Variants in CCDC180 observed in about 807,000 individuals in gnomAD.
The protein encoded by CCDC180 is coiled-coil domain containing 180.
CCDC180 carries 154 observed loss-of-function variants against 209.2 expected under a neutral mutation model. The observed-to-expected ratio is 0.74, with a 90% CI of 0.65 to 0.84. CCDC180 has a LOEUF of 0.84. Ranked by LOEUF, CCDC180 falls within the 40% of genes least tolerant of loss-of-function variation. The pLI is 0.00. For missense variants in CCDC180, 1,874 were observed against 1,997.3 expected, an observed-to-expected ratio of 0.94 and a Z score of 1.18; for synonymous variants, 778 against 749.1, an observed-to-expected ratio of 1.04 and a Z score of -0.63.
rs369623667 is a variant in CCDC180 at position 97,362,297 on chromosome 9, G to A, written c.3758G>A (p.Gly1253Glu). Residue 1253 changes from glycine (G) to glutamate (E), a missense_variant, in exon 28 of 37, where the codon GGG becomes GAG. Transcript: ENST00000529487. ...ACGSRGSSEA[G>E]AGGAVCSPPV... is the part of the protein sequence containing the mutation. ...GGGTCTCGGGGCAGCAGTGAGGCAG[G>A]GGCTGGTGGTGCTGTGTGCTCACCT... is the stretch of plus-strand genomic sequence containing the variant. 6.2e-7 allele frequency: 1 copy of A among 1,614,140 alleles called. No individual in the cohort carries two copies. Among genetic ancestry groups the A allele is most frequent in the Non-Finnish European group, 8.5e-7 (1 of 1,180,004 alleles).
Position 97,359,484 on chromosome 9 carries a change from C to T in CCDC180, c.3364-498C>T, listed in dbSNP as rs561554482. On this transcript the variant is annotated intron_variant, in intron 25 of 36. Transcript: ENST00000529487. ...GTGTGGCGAGAGGGAAGATCCTCAC[C>T]GTTGCATTCCTGCACACCTGTGGGG... is the stretch of plus-strand genomic sequence containing the variant. Among the ~76,000 whole-genome samples the T allele has an allele frequency of 5.3e-5, 8 of 152,140 alleles. No individual in the cohort carries two copies. The South Asian group carries it at 6.2e-4, about 12-fold the overall frequency.
At chr9:97,319,720 T>G (rs572567458) in intron 10 of CCDC180, among the ~76,000 whole-genome samples, 9 of 152,318 alleles carry the variant, frequency 5.9e-5, no homozygotes, top group African/African-American at 1.9e-4. Flanking sequence ...GTACTTAGTT[T>G]TCTACTGTTG....
At chr9:97,312,062 CA>C in intron 3 of CCDC180, 50 bp from the exon 4 acceptor site, 1 of 1,533,508 alleles carries the variant, frequency 6.5e-7, no homozygotes, top group Non-Finnish European at 9.0e-7. Context: ...CCAGAGCTGC[CA>C]TGGATGGCAT....
At chr9:97,360,209 C>T in intron 26 of CCDC180, 108 bp downstream of exon 26, 1 of 1,302,966 alleles carries the variant, frequency 7.7e-7, no homozygotes, top group Non-Finnish European at 1.1e-6. Context: ...ACTCCCAGGC[C>T]TCCGCGGGAC....
At position 97,313,363 on chromosome 9, in the gene CCDC180, C is replaced by G; in HGVS notation, c.459+18C>G. On this transcript the variant is annotated intron_variant, in intron 5 of 36. Coordinates refer to ENST00000529487, the MANE Select transcript of CCDC180 (RefSeq NM_020893.6). The stretch of plus-strand genomic sequence containing the variant: ...TGGGAAAGGTGAGAATCCTCCCTCT[C>G]CCTTCTCTTCCCTTCCTGTGCCATT... 2 of 1,530,060 alleles carry G rather than the reference C, an allele frequency of 1.3e-6. No individual in the cohort carries two copies. The highest frequency in any genetic ancestry group is 1.8e-6 in the Non-Finnish European group (2 of 1,105,780). The allele number at this position is 1,530,060 out of a possible 1,614,324, so 94.8% of individuals were successfully genotyped here.
chr9:97,308,099 T>A lies in CCDC180; in HGVS notation c.36T>A (p.Asn12Lys), dbSNP rs1253436116. ...SSVGKVTQVPNGKAYQQIFQA... is the reference protein window; with the variant it reads ...SSVGKVTQVPKGKAYQQIFQA... ...TGGGGAAGGTGACCCAGGTTCCGAA[T>A]GGGAAAGCCTACCAGCAGATCTTCC... The change falls in exon 2 of 37, where the codon AAT becomes AAA. Residue 12 changes from asparagine to lysine, a missense_variant. Coordinates refer to ENST00000529487, the MANE Select transcript of CCDC180 (RefSeq NM_020893.6). The A allele has an allele frequency of 1.2e-6, 2 of 1,612,036 alleles. No homozygotes were observed. The highest frequency in any genetic ancestry group is 1.1e-5 in the South Asian group (1 of 90,766).
intron 14 of CCDC180, among the ~76,000 whole-genome samples, chr9:97,325,801 G>T (rs1301657620): frequency 6.6e-6 from 1 of 152,178 alleles, no homozygotes; most frequent in Non-Finnish European, 1.5e-5. Flanking sequence ...ATCACAGCCT[G>T]AGCTCTCTCT....
At chr9:97,349,834 G>A (rs1431853748) in intron 21 of CCDC180, among the ~76,000 whole-genome samples, 1 of 152,170 alleles carries the variant, frequency 6.6e-6, no homozygotes, top group Admixed American at 6.5e-5. Flanking sequence ...ATGAGGGACA[G>A]CTGTTTCTGG....
At chr9:97,372,201 G>A (rs1827120643) in intron 34 of CCDC180, 1 of 152,290 alleles carries the variant, frequency 6.6e-6, no homozygotes, top group African/African-American at 2.4e-5. Context: ...CATATGGCTA[G>A]TCACTGTAAA....
Position 97,307,699 on chromosome 9 carries a change from A to G in CCDC180, c.-189A>G, listed in dbSNP as rs1832839662. ...TTCCCCGAAGAGCATGGCAGAGTGAAGCACAAGCAATAATCCTGTATTATT... is the reference window on the plus strand; with the variant it reads ...TTCCCCGAAGAGCATGGCAGAGTGAGGCACAAGCAATAATCCTGTATTATT... On this transcript the variant is annotated 5_prime_UTR_variant, in exon 1 of 37. Transcript: ENST00000529487. 6.3e-7 allele frequency: 1 copy of G among 1,597,812 alleles called. No homozygotes were observed. The highest frequency in any genetic ancestry group is 1.7e-5 in the Admixed American group (1 of 59,684).
rs766321866 is a variant in CCDC180, at chr9:97,330,551, A to T, written c.2058A>T (p.Lys686Asn). ...SPLHAKMDES[K>N]EGSIQGLEEM... ...TGCATGCTAAGATGGATGAGTCCAA[A>T]GAAGGCTCTATTCAGGGACTGGAAG... The change falls in exon 18 of 37, where the codon AAA becomes AAT. Residue 686 changes from lysine (K) to asparagine (N), a missense_variant. Transcript: ENST00000529487. 7 of 1,614,198 alleles carry T rather than the reference A, an allele frequency of 4.3e-6. No individual in the cohort carries two copies. The highest frequency in any genetic ancestry group is 4.2e-6 in the Non-Finnish European group (5 of 1,180,032).
rs1342213668 is a variant in CCDC180, at chr9:97,360,039, C to CA, written c.3422dup (p.Arg1142GlufsTer6). ...CCAAACTTGGAAGGAAAAACTGAGC[C>CA]AGAGGATTCAGTACCTTAACTGCAG... On this transcript the variant is annotated frameshift_variant, in exon 26 of 37. Transcript: ENST00000529487. LOFTEE classifies it high-confidence loss of function. 6.2e-7 allele frequency: 1 copy of CA among 1,613,878 alleles called. No individual in the cohort carries two copies. Among genetic ancestry groups the CA allele is most frequent in the Non-Finnish European group, 8.5e-7 (1 of 1,179,946 alleles).
chr9:97,345,689 T>C (rs2118793421), intron 19 of CCDC180: 2 of 363,086 alleles, frequency 5.5e-6, no homozygotes, highest in South Asian at 4.2e-5. Context: ...AGGCGGAGGT[T>C]ACAGTGAACC....
chr9:97,316,260 A>C (rs1375277153), intron 8 of CCDC180, among the ~76,000 whole-genome samples: 1 of 152,214 alleles, frequency 6.6e-6, no homozygotes, highest in Admixed American at 6.5e-5. Context: ...TCCCTATGCT[A>C]TAAATAGCAT....
At chr9:97,359,659 GTGTCCCCATCTTACAGATGGGGAGAACA>G (rs1826693000) in intron 25 of CCDC180, among the ~76,000 whole-genome samples, 1 of 152,086 alleles carries the variant, frequency 6.6e-6, no homozygotes, top group African/African-American at 2.4e-5. Context: ...GGAATATTTT[GTGTCCCCATCTTACAGATGGGGAGAACA>G]AGTTGAGCAA....
Position 97,370,788 on chromosome 9 carries a change from A to C in CCDC180, c.4488+10A>C, listed in dbSNP as rs1372476403. On this transcript the variant is annotated intron_variant, in intron 33 of 36. Transcript: ENST00000529487. ...CAAGGAGAAGCTGGAGGTCAGTGAT[A>C]CCATTGATTCGCCAGTCCAGGCATG... The C allele has an allele frequency of 6.2e-7, 1 of 1,613,264 alleles. No homozygotes were observed. Among genetic ancestry groups the C allele is most frequent in the Non-Finnish European group, 8.5e-7 (1 of 1,179,678 alleles).
intron 24 of CCDC180, among the ~76,000 whole-genome samples, chr9:97,356,948 C>G (rs544423207): frequency 2.0e-5 from 3 of 152,310 alleles, no homozygotes; most frequent in Non-Finnish European, 4.4e-5. Context: ...GCTATTTATA[C>G]CAGTTTTATA....
intron 16 of CCDC180, among the ~76,000 whole-genome samples, chr9:97,328,667 A>C (rs10121383): frequency 0.024 from 3,656 of 151,844 alleles, 59 homozygotes; most frequent in Non-Finnish European, 0.037. Flanking sequence ...CTCTGTCTCC[A>C]CATATCCCAA....
chr9:97,356,227 G>A (rs1209918161), intron 24 of CCDC180, among the ~76,000 whole-genome samples: 2 of 152,152 alleles, frequency 1.3e-5, no homozygotes, highest in Admixed American at 6.5e-5. Flanking sequence ...GCCCATTCAG[G>A]GAACAATGTT....
Sources: gnomAD v4.1 joint callset for allele counts (sites outside exome capture counted in the v4.1 genomes callset) on GRCh38, gnomAD v4.1.1 for gene constraint, MANE v1.5 for transcripts, NCBI Gene and HGNC (gene_info 2026-07-23, HGNC 2026-07-21) for gene names.